RNASE9: variants seen among roughly 807,000 people sequenced by gnomAD.
The protein encoded by RNASE9 is ribonuclease A family member 9 (inactive), also known as inactive ribonuclease-like protein 9.
For synonymous variants in RNASE9, 95 were observed against 87.6 expected (o/e 1.08, Z -0.47); for missense variants, 263 against 247.1 (o/e 1.06, Z -0.43).
chr14:20,556,946 C>A lies in RNASE9; in HGVS notation c.124G>T (p.Glu42Ter), dbSNP rs1308352855. Residue 42 changes from glutamate (E) to a stop codon, truncating the protein, a stop_gained, in exon 3 of 3, where the codon GAA becomes TAA. Transcript: ENST00000555230. LOFTEE classifies it low-confidence loss of function (END_TRUNC). ...TTTTCCAAACACTCTTCAAATTCTT[C>A]TTTTTTATCTTCTTCTGGGAAATCA... 3 of 1,614,114 alleles carry A rather than the reference C, an allele frequency of 1.9e-6. No individual in the cohort carries two copies. Among genetic ancestry groups the A allele is most frequent in the Non-Finnish European group, 2.5e-6 (3 of 1,180,002 alleles).
At chr14:20,559,707 G>T (rs1042196097) in intron 1 of RNASE9, 74 bp from the exon 2 acceptor site, 1 of 152,098 alleles carries the variant, frequency 6.6e-6, no homozygotes, top group African/African-American at 2.4e-5. Flanking sequence ...GTTGAACAAG[G>T]AATTTCTTAA....
chr14:20,556,502 C>A lies in RNASE9; in HGVS notation c.568G>T (p.Glu190Ter). ...TCCTCACTGAGGAAACTTCTGTGTTCAGGTGGCTCCACGAGATCATTTATA... is the reference window on the plus strand; with the variant it reads ...TCCTCACTGAGGAAACTTCTGTGTTAAGGTGGCTCCACGAGATCATTTATA... The change falls in exon 3 of 3, where the codon GAA (glutamate) becomes TAA (stop). Residue 190 changes from glutamate to a stop codon, truncating the protein, a stop_gained. Transcript: ENST00000555230. LOFTEE classifies it low-confidence loss of function (END_TRUNC). 6.2e-7 allele frequency: 1 copy of A among 1,613,610 alleles called. No homozygotes were observed. The highest frequency in any genetic ancestry group is 1.1e-5 in the South Asian group (1 of 91,058).
At chr14:20,558,379 T>C (rs75822492) in exon 3 of RNASE9, 19 of 681,778 alleles carry the variant, frequency 2.8e-5, no homozygotes, top group Non-Finnish European at 5.2e-5. Flanking sequence ...GGGGAACACA[T>C]CAGAAAGTAG....
At chr14:20,558,654 G>A in intron 2 of RNASE9, 1 of 1,410,454 alleles carries the variant, frequency 7.1e-7, no homozygotes, top group Admixed American at 2.0e-5. Context: ...TCTTGATCTG[G>A]AGAGAACATG....
chr14:20,558,479 G>A (rs1883804302), exon 3 of RNASE9: 2 of 1,175,822 alleles, frequency 1.7e-6, no homozygotes, highest in Non-Finnish European at 2.5e-6. Context: ...GCACTCTGGG[G>A]CGGCCATGTG....
At position 20,556,726 on chromosome 14, in the gene RNASE9, A is replaced by AT; in HGVS notation, c.343dup (p.Ile115AsnfsTer10). 1.2e-6 allele frequency: 2 copies of AT among 1,613,934 alleles called. No homozygotes were observed. The highest frequency in any genetic ancestry group is 1.7e-6 in the Non-Finnish European group (2 of 1,179,866). On this transcript the variant is annotated frameshift_variant, in exon 3 of 3. Coordinates refer to ENST00000555230, the Ensembl canonical transcript of RNASE9. LOFTEE classifies it low-confidence loss of function (END_TRUNC). The stretch of plus-strand genomic sequence containing the variant: ...ACATGGCACAAATCTGTTGTAACAG[A>AT]TTTTTTGGAGCTCGTCATATTGCAT...
exon 3 of RNASE9, chr14:20,558,190 C>T (rs1055915483): frequency 3.5e-5 from 13 of 375,560 alleles, no homozygotes; most frequent in African/African-American, 2.4e-4. Flanking sequence ...TTACCAGGCT[C>T]GTTGTAAAAG....
chr14:20,556,672 C>T, exon 3 of RNASE9: 1 of 1,613,260 alleles, frequency 6.2e-7, no homozygotes, highest in Non-Finnish European at 8.5e-7. Flanking sequence ...AAGACCTTTG[C>T]TCCTGTTACA....
At position 20,556,478 on chromosome 14, in the gene RNASE9, C is replaced by G. The variant is rs150583863; in HGVS notation, c.592G>C (p.Asp198His). ...TAGGGCGATATGACAAAGACACCAT[C>G]CTCACTGAGGAAACTTCTGTGTTCA... The change falls in exon 3 of 3, where the codon GAT becomes CAT. Residue 198 changes from aspartate (D) to histidine (H), a missense_variant. Transcript: ENST00000555230. 1.9e-6 allele frequency: 3 copies of G among 1,612,204 alleles called. No individual in the cohort carries two copies. The East Asian group carries it at 6.7e-5, about 36-fold the overall frequency.
intron 1 of RNASE9, among the ~76,000 whole-genome samples, chr14:20,560,523 A>G (rs1307966854): frequency 1.3e-5 from 2 of 152,026 alleles, no homozygotes; most frequent in Admixed American, 6.6e-5. Flanking sequence ...CTTAAAAGGG[A>G]AAAAAATTGA....
exon 3 of RNASE9, chr14:20,556,585 C>T: frequency 6.2e-7 from 1 of 1,613,814 alleles, no homozygotes; most frequent in Non-Finnish European, 8.5e-7. Flanking sequence ...AAGGACGTAG[C>T]CCTTCCTATA....
chr14:20,556,381 C>T lies in RNASE9; in HGVS notation c.*71G>A. ...TGAATGGAAGCAAAATTACCATTCTCAACTTTGATCTATAAGGATCAGTAT... is the reference window on the plus strand; with the variant it reads ...TGAATGGAAGCAAAATTACCATTCTTAACTTTGATCTATAAGGATCAGTAT... On this transcript the variant is annotated 3_prime_UTR_variant, in exon 3 of 3. Coordinates refer to ENST00000555230, the Ensembl canonical transcript of RNASE9. The T allele has an allele frequency of 6.0e-6, 7 of 1,160,708 alleles. No homozygotes were observed. In the South Asian group the frequency reaches 9.1e-5, roughly 15 times the overall value. 71.9% of individuals were successfully genotyped at this position (1,160,708 alleles called of 1,614,324 possible).
chr14:20,557,141 T>C (rs1883738421), exon 3 of RNASE9: 1 of 1,496,698 alleles, frequency 6.7e-7, no homozygotes, highest in Non-Finnish European at 9.0e-7. Context: ...CCATTTCCTG[T>C]GTGGGGCACA....
exon 3 of RNASE9, chr14:20,556,193 T>G (rs767061727): frequency 3.5e-5 from 14 of 400,052 alleles, no homozygotes; most frequent in Non-Finnish European, 5.8e-5. Flanking sequence ...CTCTTGGTGC[T>G]GGTCATCCTT....
In RNASE9 at chr14:20,556,417, AT is replaced by A. The variant is rs762608588; in HGVS notation, c.*34del. 80 of 1,457,852 alleles carry A rather than the reference AT, an allele frequency of 5.5e-5. 2 individuals are homozygous for A. The South Asian group carries it at 8.2e-4, about 15-fold the overall frequency. The allele number at this position is 1,457,852 out of a possible 1,614,324, so 90.3% of individuals were successfully genotyped here. A position where few individuals can be genotyped will look rare whatever the true frequency, so the allele number is the denominator to read the frequency against. ...TATAAGGATCAGTATGGAGAGAAATATTCCTCCCACCCTAAGCTCTCAGAGA... is the reference window on the plus strand; with the variant it reads ...TATAAGGATCAGTATGGAGAGAAATATCCTCCCACCCTAAGCTCTCAGAGA... On this transcript the variant is annotated 3_prime_UTR_variant, in exon 3 of 3. Coordinates refer to ENST00000555230, the Ensembl canonical transcript of RNASE9.
chr14:20,556,653 T>C, exon 3 of RNASE9: 2 of 1,612,926 alleles, frequency 1.2e-6, no homozygotes, highest in Non-Finnish European at 1.7e-6. Flanking sequence ...TACAATACAC[T>C]CCTTCTACAA....
At chr14:20,558,842 C>T (rs1466502111) in intron 2 of RNASE9, among the ~76,000 whole-genome samples, 1 of 152,160 alleles carries the variant, frequency 6.6e-6, no homozygotes, top group Non-Finnish European at 1.5e-5. Context: ...CCTTTCTCAT[C>T]TCAAAGTATG....
At chr14:20,556,966 A>C (rs757869534) in exon 3 of RNASE9, 1 of 1,614,130 alleles carries the variant, frequency 6.2e-7, no homozygotes, top group South Asian at 1.1e-5. Flanking sequence ...TTCTTCTGGG[A>C]AATCAAAATC....
At chr14:20,559,698 T>A (rs917239128) in intron 1 of RNASE9, 65 bp from the exon 2 acceptor site, 3 of 152,184 alleles carry the variant, frequency 2.0e-5, no homozygotes, top group Non-Finnish European at 2.9e-5. Flanking sequence ...CTCACTAAAG[T>A]TGAACAAGGA....
Sources: gnomAD v4.1 joint callset for allele counts (sites outside exome capture counted in the v4.1 genomes callset) on GRCh38, gnomAD v4.1.1 for gene constraint, MANE v1.5 for transcripts, NCBI Gene and HGNC (gene_info 2026-07-23, HGNC 2026-07-21) for gene names.